The following SPOCK3 variants were observed in gnomAD, a reference collection of about 807,000 sequenced individuals.
SPOCK3 encodes SPARC (osteonectin), cwcv and kazal like domains proteoglycan 3.
Under a neutral mutation model 56.6 loss-of-function variants are expected in SPOCK3, and 30 were observed. The ratio of observed to expected loss-of-function variants is 0.53; its 90% CI spans 0.40 to 0.72. The LOEUF (loss-of-function observed/expected upper bound fraction) is 0.72. Among genes scored for constraint, SPOCK3 ranks in the 30% least tolerant of loss-of-function variants. The pLI is 0.00. For missense variants in SPOCK3, 527 were observed against 530.0 expected (o/e 0.99, Z 0.06); for synonymous variants, 196 against 183.3 (o/e 1.07, Z -0.56).
intron 4 of SPOCK3, among the ~76,000 whole-genome samples, chr4:166,945,876 TC>T (rs975880689): frequency 6.6e-6 from 1 of 152,104 alleles, no homozygotes; most frequent in Non-Finnish European, 1.5e-5. Flanking sequence ...TCACACCTTC[TC>T]CACCTGAGGT....
At chr4:166,897,201 T>C (rs1735486595) in intron 5 of SPOCK3, among the ~76,000 whole-genome samples, 1 of 152,168 alleles carries the variant, frequency 6.6e-6, no homozygotes, top group African/African-American at 2.4e-5. Flanking sequence ...ATGGCTTTTA[T>C]GTGAAAATCT....
intron 7 of SPOCK3, among the ~76,000 whole-genome samples, chr4:166,755,746 G>A (rs1736982908): frequency 1.3e-5 from 2 of 152,044 alleles, no homozygotes; most frequent in African/African-American, 4.8e-5. Context: ...ACATTTCTAA[G>A]TGCAATTCTC....
chr4:166,940,603 T>C (rs1439496057), intron 4 of SPOCK3, among the ~76,000 whole-genome samples: 2 of 151,546 alleles, frequency 1.3e-5, no homozygotes, highest in Non-Finnish European at 2.9e-5. Context: ...CTTTGCTCAT[T>C]GTAATAATAA....
At chr4:166,772,973 T>G (rs1349996736) in intron 7 of SPOCK3, among the ~76,000 whole-genome samples, 1 of 152,098 alleles carries the variant, frequency 6.6e-6, no homozygotes. Flanking sequence ...TTTTTGTGTT[T>G]TGTAGAGACA....
At chr4:166,808,404 G>T (rs1278869213) in intron 6 of SPOCK3, among the ~76,000 whole-genome samples, 1 of 151,998 alleles carries the variant, frequency 6.6e-6, no homozygotes, top group Admixed American at 6.6e-5. Flanking sequence ...ATATAGGTGG[G>T]GCCCTAATGT....
At chr4:167,223,348 G>A (rs1038458459) in intron 2 of SPOCK3, among the ~76,000 whole-genome samples, 2 of 144,468 alleles carry the variant, frequency 1.4e-5, no homozygotes, top group Admixed American at 1.4e-4. Flanking sequence ...ATATGTTTAT[G>A]TATATTATGT....
chr4:166,880,191 A>G (rs1341426600), intron 6 of SPOCK3, among the ~76,000 whole-genome samples: 1 of 152,178 alleles, frequency 6.6e-6, no homozygotes, highest in East Asian at 1.9e-4. Context: ...CTTTTTCTAT[A>G]GTTACTACTG....
At chr4:166,941,991 T>C (rs1375308768) in intron 4 of SPOCK3, among the ~76,000 whole-genome samples, 1 of 152,206 alleles carries the variant, frequency 6.6e-6, no homozygotes, top group African/African-American at 2.4e-5. Context: ...GAGTATTTGC[T>C]GTTTTAAGCC....
At chr4:166,771,881 C>T (rs1402472178) in intron 7 of SPOCK3, among the ~76,000 whole-genome samples, 3 of 151,986 alleles carry the variant, frequency 2.0e-5, no homozygotes, top group East Asian at 3.9e-4. Context: ...AATTCTTCCT[C>T]CCATAGCCAC....
At chr4:167,038,663 CAAA>C (rs558863795) in intron 3 of SPOCK3, among the ~76,000 whole-genome samples, 11 of 107,980 alleles carry the variant, frequency 1.0e-4, no homozygotes, top group South Asian at 6.6e-4. Flanking sequence ...TTATTTTTTC[CAAA>C]AAAAAAAAAA....
intron 2 of SPOCK3, among the ~76,000 whole-genome samples, chr4:167,194,912 C>T (rs887209046): frequency 7.2e-5 from 11 of 152,156 alleles, no homozygotes; most frequent in Non-Finnish European, 7.3e-5. Context: ...GTCTCCCATT[C>T]GGTCCCTGTA....
At chr4:166,813,879 C>G (rs891172747) in intron 6 of SPOCK3, among the ~76,000 whole-genome samples, 3 of 151,882 alleles carry the variant, frequency 2.0e-5, no homozygotes, top group African/African-American at 7.3e-5. Flanking sequence ...TAATTTGAGG[C>G]ACTAAGGAGG....
intron 6 of SPOCK3, among the ~76,000 whole-genome samples, chr4:166,860,099 T>A (rs1308823958): frequency 2.0e-5 from 3 of 152,136 alleles, no homozygotes; most frequent in Admixed American, 1.3e-4. Flanking sequence ...CTTTCTGTGT[T>A]CTTATGAATC....
intron 3 of SPOCK3, among the ~76,000 whole-genome samples, chr4:167,005,323 C>A (rs1207669729): frequency 6.6e-6 from 1 of 151,992 alleles, no homozygotes; most frequent in Non-Finnish European, 1.5e-5. Flanking sequence ...CATTCTCCTG[C>A]CTCAGCCTTC....
At chr4:167,166,188 A>G (rs756645925) in intron 2 of SPOCK3, among the ~76,000 whole-genome samples, 1 of 152,084 alleles carries the variant, frequency 6.6e-6, no homozygotes, top group Non-Finnish European at 1.5e-5. Flanking sequence ...GATATTGTAG[A>G]GAACTAGAAA....
intron 2 of SPOCK3, among the ~76,000 whole-genome samples, chr4:167,199,225 T>TTG (rs58765976): frequency 0.17 from 23,995 of 141,934 alleles, 2,085 homozygotes; most frequent in Admixed American, 0.23. Context: ...AAATATTTGT[T>TTG]TGTGTGTGTG....
chr4:167,205,170 T>C (rs1351591640), intron 2 of SPOCK3, among the ~76,000 whole-genome samples: 1 of 112,026 alleles, frequency 8.9e-6, no homozygotes, highest in Non-Finnish European at 1.7e-5. Flanking sequence ...ATATAATATA[T>C]ATTATATATT....
chr4:167,148,486 A>G (rs1042285106), intron 2 of SPOCK3, among the ~76,000 whole-genome samples: 14 of 152,230 alleles, frequency 9.2e-5, no homozygotes, highest in African/African-American at 2.9e-4. Flanking sequence ...GCTTCAACCA[A>G]TCGTGTTAAA....
chr4:166,767,659 T>C (rs913179101), intron 7 of SPOCK3, among the ~76,000 whole-genome samples: 1 of 152,242 alleles, frequency 6.6e-6, no homozygotes, highest in Non-Finnish European at 1.5e-5. Flanking sequence ...GAAGAATGTA[T>C]ATTCTGTTGA....
Sources: allele counts gnomAD v4.1 joint callset (sites outside exome capture counted in the v4.1 genomes callset), GRCh38; gene constraint gnomAD v4.1.1; transcripts MANE v1.5; gene names NCBI Gene and HGNC (gene_info 2026-07-23, HGNC 2026-07-21).